ADGRB3: variants seen among roughly 807,000 people sequenced by gnomAD.
The protein encoded by ADGRB3 is brain-specific angiogenesis inhibitor 3.
A neutral mutation model predicts 193.4 loss-of-function variants in ADGRB3; 37 were observed. The ratio of observed to expected loss-of-function variants is 0.19; its 90% CI spans 0.15 to 0.25. The LOEUF (loss-of-function observed/expected upper bound fraction) is 0.25. Among genes scored for constraint, ADGRB3 ranks in the 10% least tolerant of loss-of-function variants. The probability of loss-of-function intolerance (pLI) is 1.00; values close to 1 mark genes in which losing one functional copy is unlikely to be tolerated. For missense variants in ADGRB3, 1,637 were observed against 1,852.9 expected, an observed-to-expected ratio of 0.88 and a Z score of 2.14; for synonymous variants, 690 against 644.2, an observed-to-expected ratio of 1.07 and a Z score of -1.08.
At chr6:69,355,731 T>G in intron 27 of ADGRB3, 90 bp from the exon 28 acceptor site, 1 of 1,037,976 alleles carries the variant, frequency 9.6e-7, no homozygotes, top group South Asian at 1.4e-5. Context: ...CCAAGTTAGA[T>G]ATCTGTAAAC....
At chr6:68,680,768 T>C (rs182389665) in intron 3 of ADGRB3, among the ~76,000 whole-genome samples, 190 of 152,250 alleles carry the variant, frequency 1.2e-3, no homozygotes, top group Middle Eastern at 3.4e-3. Context: ...AGGTAAATAA[T>C]ATATAAGTAT....
At chr6:68,803,380 C>T (rs1562036061) in intron 3 of ADGRB3, among the ~76,000 whole-genome samples, 1 of 152,140 alleles carries the variant, frequency 6.6e-6, no homozygotes, top group Non-Finnish European at 1.5e-5. Context: ...ACCCTCCAAT[C>T]CTACCACTGT....
At chr6:68,855,347 C>A (rs1409956378) in intron 3 of ADGRB3, among the ~76,000 whole-genome samples, 1 of 152,108 alleles carries the variant, frequency 6.6e-6, no homozygotes, top group Non-Finnish European at 1.5e-5. Flanking sequence ...TTATGACAGT[C>A]TACCAAGACA....
intron 16 of ADGRB3, among the ~76,000 whole-genome samples, chr6:69,074,491 G>A (rs1018377116): frequency 5.9e-5 from 9 of 151,638 alleles, no homozygotes; most frequent in African/African-American, 1.2e-4. Flanking sequence ...AATGAGGTAC[G>A]GTGTCCACCT....
chr6:69,014,361 TAACCA>T (rs545813626), intron 12 of ADGRB3, among the ~76,000 whole-genome samples: 2 of 151,794 alleles, frequency 1.3e-5, no homozygotes, highest in East Asian at 3.9e-4. Context: ...ATTATATACC[TAACCA>T]ATAAGTTCCT....
At chr6:69,193,942 T>A (rs1765248998) in intron 17 of ADGRB3, among the ~76,000 whole-genome samples, 2 of 152,130 alleles carry the variant, frequency 1.3e-5, no homozygotes, top group Non-Finnish European at 2.9e-5. Flanking sequence ...GCTCTTTGGC[T>A]TTAATTTTTT....
intron 10 of ADGRB3, among the ~76,000 whole-genome samples, chr6:68,992,968 A>G (rs1769279501): frequency 1.3e-5 from 2 of 152,244 alleles, no homozygotes; most frequent in South Asian, 2.1e-4. Flanking sequence ...TTAAACTTTT[A>G]GTAAACAAGT....
intron 17 of ADGRB3, among the ~76,000 whole-genome samples, chr6:69,088,469 T>G (rs1772612465): frequency 6.6e-6 from 1 of 151,956 alleles, no homozygotes; most frequent in South Asian, 2.1e-4. Context: ...ACCTCCCGGG[T>G]TCAAGCGATT....
At chr6:69,217,960 A>G (rs1425371564) in intron 17 of ADGRB3, among the ~76,000 whole-genome samples, 1 of 152,038 alleles carries the variant, frequency 6.6e-6, no homozygotes, top group East Asian at 1.9e-4. Flanking sequence ...CCTCACTCTT[A>G]AACAAGGATG....
At chr6:68,819,436 G>A (rs992821485) in intron 3 of ADGRB3, among the ~76,000 whole-genome samples, 3 of 150,754 alleles carry the variant, frequency 2.0e-5, no homozygotes, top group African/African-American at 7.3e-5. Context: ...TTCTTCTTTT[G>A]TCTGCAACTA....
At chr6:69,132,534 C>T (rs947131696) in intron 17 of ADGRB3, among the ~76,000 whole-genome samples, 4 of 152,000 alleles carry the variant, frequency 2.6e-5, no homozygotes, top group African/African-American at 9.7e-5. Flanking sequence ...AGCCCTTTGT[C>T]AGATGGATAG....
intron 3 of ADGRB3, among the ~76,000 whole-genome samples, chr6:68,711,241 T>C (rs1466746405): frequency 1.1e-4 from 16 of 152,060 alleles, no homozygotes; most frequent in Admixed American, 1.1e-3. Context: ...TTTTCTCTTC[T>C]CTCTTTTACA....
intron 3 of ADGRB3, among the ~76,000 whole-genome samples, chr6:68,792,517 C>T (rs752754635): frequency 2.6e-5 from 4 of 152,172 alleles, no homozygotes; most frequent in Non-Finnish European, 5.9e-5. Context: ...GGCCCTATGA[C>T]TCTGCAGGCT....
chr6:68,726,265 G>T (rs748918189), intron 3 of ADGRB3, among the ~76,000 whole-genome samples: 1 of 151,534 alleles, frequency 6.6e-6, no homozygotes, highest in African/African-American at 2.4e-5. Flanking sequence ...GATATAAAAA[G>T]CAACTTTAGA....
chr6:68,666,403 A>G (rs1768803096), intron 3 of ADGRB3, among the ~76,000 whole-genome samples: 1 of 151,854 alleles, frequency 6.6e-6, no homozygotes, highest in Non-Finnish European at 1.5e-5. Flanking sequence ...GACTGTTCCC[A>G]TTTAGAAGAG....
chr6:69,088,252 A>G (rs1350913762), intron 17 of ADGRB3, among the ~76,000 whole-genome samples: 1 of 152,204 alleles, frequency 6.6e-6, no homozygotes, highest in Non-Finnish European at 1.5e-5. Context: ...CACATATGTT[A>G]TACAAAAAGT....
intron 3 of ADGRB3, among the ~76,000 whole-genome samples, chr6:68,659,764 GA>G (rs1055901400): frequency 6.6e-6 from 1 of 150,992 alleles, no homozygotes; most frequent in African/African-American, 2.4e-5. Flanking sequence ...GAAGAATTTA[GA>G]AAACCATTCT....
intron 30 of ADGRB3, among the ~76,000 whole-genome samples, chr6:69,376,290 G>T (rs915374567): frequency 6.6e-6 from 1 of 151,382 alleles, no homozygotes. Context: ...TATAGATGGG[G>T]TCTCACCATG....
intron 3 of ADGRB3, among the ~76,000 whole-genome samples, chr6:68,785,691 C>T (rs573477439): frequency 6.6e-6 from 1 of 152,210 alleles, no homozygotes; most frequent in African/African-American, 2.4e-5. Flanking sequence ...ATGGCTGGGT[C>T]AAATGCTATT....
Sources: allele counts gnomAD v4.1 joint callset (sites outside exome capture counted in the v4.1 genomes callset), GRCh38; gene constraint gnomAD v4.1.1; transcripts MANE v1.5; gene names NCBI Gene and HGNC (gene_info 2026-07-23, HGNC 2026-07-21).